The following CFAP74 variants were observed in gnomAD, a reference collection of about 807,000 sequenced individuals.
CFAP74 encodes the protein cilia- and flagella-associated protein 74.
A neutral mutation model predicts 188.9 loss-of-function variants in CFAP74; 124 were observed. The observed-to-expected ratio is 0.66, with a 90% CI of 0.57 to 0.76. The LOEUF is 0.76. CFAP74 is among the 30% of genes least tolerant of loss of function. The pLI, the probability that CFAP74 is intolerant of heterozygous loss-of-function variation, is 0.00. For synonymous variants in CFAP74, 956 were observed against 916.7 expected, an observed-to-expected ratio of 1.04 and a Z score of -0.77; for missense variants, 2,198 against 2,165.2, an observed-to-expected ratio of 1.02 and a Z score of -0.30.
Position 1,959,159 on chromosome 1 carries a change from C to T in CFAP74, c.1812G>A (p.Glu604=). 2 of 1,613,440 alleles carry T rather than the reference C, an allele frequency of 1.2e-6. No individual in the cohort carries two copies. Among genetic ancestry groups the T allele is most frequent in the Non-Finnish European group, 8.5e-7 (1 of 1,179,596 alleles). ...TTGAACATTTCAGTGGAACTGAAAA[C>T]TCGCCCGTCTGAGCCAAAAATGAGA... is the stretch of plus-strand genomic sequence containing the variant. ...GNISFLAQTG[E]FSVPLKCSTK... The change falls in exon 16 of 39, where the codon GAG becomes GAA. Residue 604 remains glutamate (E), a synonymous_variant. Coordinates refer to ENST00000682832, the MANE Select transcript of CFAP74 (RefSeq NM_001304360.2).
At chr1:1,944,926 A>G (rs1653647078) in intron 20 of CFAP74, among the ~76,000 whole-genome samples, 1 of 152,178 alleles carries the variant, frequency 6.6e-6, no homozygotes, top group Non-Finnish European at 1.5e-5. Flanking sequence ...TTTATTTTCG[A>G]AATGTTCAAC....
Position 1,932,514 on chromosome 1 carries a change from C to T in CFAP74, c.3012-2178G>A, listed in dbSNP as rs553153789. On this transcript the variant is annotated intron_variant, in intron 25 of 38. Transcript: ENST00000682832. ...CTTCCCAAAGTGCTGGGATTACAGC[C>T]GTGGCGCCCAGCACTCACTAAAATT... Among the ~76,000 whole-genome samples, 147 of 152,092 alleles carry T rather than the reference C, an allele frequency of 9.7e-4. 2 individuals are homozygous for T. The highest frequency in any genetic ancestry group is 1.0e-3 in the Non-Finnish European group (68 of 67,996).
chr1:1,936,469 G>A (rs1345686338), intron 25 of CFAP74, among the ~76,000 whole-genome samples: 6 of 152,018 alleles, frequency 3.9e-5, no homozygotes, highest in Non-Finnish European at 8.8e-5. Context: ...GCTTGAACCC[G>A]GGAAGCGAAG....
chr1:1,924,596 C>T, intron 33 of CFAP74, 76 bp from the exon 34 acceptor site: 8 of 1,509,142 alleles, frequency 5.3e-6, no homozygotes, highest in Non-Finnish European at 7.1e-6. Flanking sequence ...GTGCCCAGGA[C>T]TTGGCTGGTG....
Position 1,968,044 on chromosome 1 carries a change from G to A in CFAP74, c.1245+591C>T, listed in dbSNP as rs571251837. Among the ~76,000 whole-genome samples, 1 of 151,944 alleles carries A rather than the reference G, an allele frequency of 6.6e-6. No individual in the cohort carries two copies. The highest frequency in any genetic ancestry group is 1.9e-4 in the East Asian group (1 of 5,180). On this transcript the variant is annotated intron_variant, in intron 11 of 38. Transcript: ENST00000682832. This position sits in a 1 kb window ranked among gnomAD's most constrained non-coding sequence, Gnocchi z 4.3. ...AATGAGTGAATGAGTGAATGAATAA[G>A]TGTATCAGTGAGTGAGTGAATGAAT...
intron 16 of CFAP74, among the ~76,000 whole-genome samples, chr1:1,958,535 G>C (rs1396876609): frequency 5.3e-5 from 8 of 152,266 alleles, no homozygotes; most frequent in African/African-American, 1.9e-4. Flanking sequence ...CTCGGCGGGG[G>C]CCGGGGGGAC....
chr1:1,925,306 ACGCTGGTGTG>A (rs1651792156), intron 33 of CFAP74, among the ~76,000 whole-genome samples: 7 of 150,574 alleles, frequency 4.6e-5, no homozygotes, highest in East Asian at 2.0e-4. Context: ...ATGAGGGCAC[ACGCTGGTGTG>A]AAGGCATGAG....
At chr1:1,950,909 GT>G (rs1331581273) in intron 18 of CFAP74, among the ~76,000 whole-genome samples, 1 of 151,818 alleles carries the variant, frequency 6.6e-6, no homozygotes, top group Non-Finnish European at 1.5e-5. Flanking sequence ...TCTCTCCTGT[GT>G]TTTTTTCGGG....
Position 1,970,775 on chromosome 1 carries a change from T to C in CFAP74, c.930A>G (p.Ala310=), listed in dbSNP as rs1322801212. The C allele has an allele frequency of 1.2e-6, 2 of 1,614,174 alleles. No homozygotes were observed. The highest frequency in any genetic ancestry group is 1.6e-4 in the Middle Eastern group (1 of 6,062). ...RKFQAWDRAK[A]ELAEQRVQAE... Reference sequence around the variant, plus strand: ...CCTGGACCCTCTGCTCCGCCAGCTCTGCCTTGGCACGGTCCCATGCTTGGA... The same window carrying C: ...CCTGGACCCTCTGCTCCGCCAGCTCCGCCTTGGCACGGTCCCATGCTTGGA... The change falls in exon 10 of 39, where the codon GCA becomes GCG. Residue 310 remains alanine, a synonymous_variant. Coordinates refer to ENST00000682832, the MANE Select transcript of CFAP74 (RefSeq NM_001304360.2).
intron 16 of CFAP74, among the ~76,000 whole-genome samples, chr1:1,958,102 C>G (rs1424713310): frequency 6.6e-6 from 1 of 152,252 alleles, no homozygotes; most frequent in Non-Finnish European, 1.5e-5. Flanking sequence ...CAACCCCTCT[C>G]CACGGCGACA....
chr1:1,925,141 C>T (rs1357571860), intron 33 of CFAP74, among the ~76,000 whole-genome samples: 6 of 148,632 alleles, frequency 4.0e-5, no homozygotes, highest in Middle Eastern at 3.7e-3. Flanking sequence ...CATGAGGGCA[C>T]GCAGGGCAGG....
chr1:1,925,290 A>AAAGGCATGAGGGCACACGCTGGTGTG (rs1235421514), intron 33 of CFAP74, among the ~76,000 whole-genome samples: 2 of 115,554 alleles, frequency 1.7e-5, no homozygotes, highest in African/African-American at 3.6e-5. Context: ...ACGCTGGTGC[A>AAAGGCATGAGGGCACACGCTGGTGTG]AAGGCATGAG....
intron 18 of CFAP74, among the ~76,000 whole-genome samples, chr1:1,949,135 C>T (rs1487558955): frequency 1.8e-5 from 2 of 113,598 alleles, no homozygotes; most frequent in African/African-American, 6.6e-5. Context: ...TTCCCTCCCT[C>T]CCTCCCTCCC....
intron 1 of CFAP74, among the ~76,000 whole-genome samples, chr1:2,003,160 C>T (rs375240356): frequency 1.3e-5 from 2 of 152,130 alleles, no homozygotes; most frequent in Non-Finnish European, 1.5e-5. Flanking sequence ...GTCGCACATG[C>T]GCATTTATGC....
Position 1,926,336 on chromosome 1 carries a change from G to A in CFAP74, c.3840C>T (p.Ser1280=). 1 of 1,548,456 alleles carries A rather than the reference G, an allele frequency of 6.5e-7. No individual in the cohort carries two copies. Residue 1280 remains serine (S), a synonymous_variant, in exon 32 of 39, where the codon TCC becomes TCT. Coordinates refer to ENST00000682832, the MANE Select transcript of CFAP74 (RefSeq NM_001304360.2). The part of the protein sequence containing the change: ...VSPEDLALDF[S]LLNPNGPFVL... ...CAAAGGGGCCGTTGGGGTTCAGCAG[G>A]GAGAAGTCCAGCTGAGGGTCCACGT...
chr1:1,993,352 A>G lies in CFAP74; in HGVS notation c.-19-2377T>C, dbSNP rs181047387. ...CAGGCTGGAGTGCAGTGGTGCGATC[A>G]CAGCTCACTGCAGCCTCCAACTCCT... On this transcript the variant is annotated intron_variant, in intron 1 of 38. Coordinates refer to ENST00000682832, the MANE Select transcript of CFAP74 (RefSeq NM_001304360.2). Among the ~76,000 whole-genome samples the G allele has an allele frequency of 9.3e-3, 1,406 of 151,902 alleles. 29 individuals are homozygous for G. Among genetic ancestry groups the G allele is most frequent in the African/African-American group, 0.032 (1,311 of 41,464 alleles).
chr1:1,949,625 C>G (rs1654081290), intron 18 of CFAP74, among the ~76,000 whole-genome samples: 1 of 152,044 alleles, frequency 6.6e-6, no homozygotes, highest in African/African-American at 2.4e-5. Flanking sequence ...ACTGAATGGC[C>G]CCACCGTGCC....
rs1010173208 is a variant in CFAP74 at position 1,942,502 on chromosome 1, A to G, written c.2487-346T>C. ...GCCCTGGAGGGGACATGAGGGGTGG[A>G]ACCCCTCCCTCCAGGGCTCTGCCCG... On this transcript the variant is annotated intron_variant, in intron 21 of 38. Coordinates refer to ENST00000682832, the MANE Select transcript of CFAP74 (RefSeq NM_001304360.2). The surrounding 1 kb of genome is among the most constrained non-coding windows in gnomAD (Gnocchi z 4.3). Among the ~76,000 whole-genome samples the G allele has an allele frequency of 6.6e-6, 1 of 152,030 alleles. No individual in the cohort carries two copies. The highest frequency in any genetic ancestry group is 1.5e-5 in the Non-Finnish European group (1 of 67,938).
Position 1,970,946 on chromosome 1 carries a change from CCTGCACAT to C in CFAP74, c.889-138_889-131del, listed in dbSNP as rs1321521640. 36 of 1,103,688 alleles carry C rather than the reference CCTGCACAT, an allele frequency of 3.3e-5. No individual in the cohort carries two copies. In the East Asian group the frequency reaches 6.2e-4, roughly 19 times the overall value. The allele number at this position is 1,103,688 out of a possible 1,614,324, so 68.4% of individuals were successfully genotyped here. A position where few individuals can be genotyped will look rare whatever the true frequency, so the allele number is the denominator to read the frequency against. Reference sequence around the variant, plus strand: ...ACACACGTGCACACACACATGCACACCTGCACATGCACACATCACACATGCACACCTGC... The same window carrying C: ...ACACACGTGCACACACACATGCACACGCACACATCACACATGCACACCTGC... On this transcript the variant is annotated intron_variant, in intron 9 of 38. Coordinates refer to ENST00000682832, the MANE Select transcript of CFAP74 (RefSeq NM_001304360.2).
Sources: allele counts gnomAD v4.1 joint callset (sites outside exome capture counted in the v4.1 genomes callset), GRCh38; gene constraint gnomAD v4.1.1; non-coding constraint Gnocchi (gnomAD v3.1); transcripts MANE v1.5; gene names NCBI Gene and HGNC (gene_info 2026-07-23, HGNC 2026-07-21).